The following PRKCZ variants were observed in gnomAD, a reference collection of about 807,000 sequenced individuals.
The protein encoded by PRKCZ is protein kinase C zeta, also known as protein kinase C zeta type.
In PRKCZ, 33 loss-of-function variants were observed where a neutral mutation model predicts 79.5. That is an observed-to-expected ratio of 0.41 (90% CI 0.31 to 0.55). PRKCZ has a LOEUF of 0.55. Ranked by LOEUF, PRKCZ falls within the 20% of genes least tolerant of loss-of-function variation. The probability of loss-of-function intolerance (pLI) is 0.19; values close to 1 mark genes in which losing one functional copy is unlikely to be tolerated. For synonymous variants in PRKCZ, 342 were observed against 320.9 expected (o/e 1.07, Z -0.70); for missense variants, 578 against 813.5 (o/e 0.71, Z 3.52).
Position 2,057,645 on chromosome 1 carries a change from C to A in PRKCZ, c.283+1072C>A, listed in dbSNP as rs778779893. Among the ~76,000 whole-genome samples the A allele has an allele frequency of 2.6e-5, 4 of 152,074 alleles. No individual in the cohort carries two copies. The East Asian group carries it at 7.7e-4, about 29-fold the overall frequency. Reference sequence around the variant, plus strand: ...CTTTGGGAGGTCAAGGTGGGAGGATCGCTTCAGCCTAGGAGTTCAAGACCA... The same window carrying A: ...CTTTGGGAGGTCAAGGTGGGAGGATAGCTTCAGCCTAGGAGTTCAAGACCA... On this transcript the variant is annotated intron_variant, in intron 3 of 17. Transcript: ENST00000378567.
In PRKCZ at chr1:2,172,348, G is replaced by A. The variant is rs780121084; in HGVS notation, c.1245G>A (p.Pro415=). ...CAACGAGCACTTTCTGCGGAACCCC[G>A]AATTACATCGCCCCCGAAATCCTGC... The part of the protein sequence containing the change: ...GDTTSTFCGT[P]NYIAPEILRG... Residue 415 remains proline, a synonymous_variant, in exon 13 of 18, where the codon CCG becomes CCA. Coordinates refer to ENST00000378567, the MANE Select transcript of PRKCZ (RefSeq NM_002744.6). The surrounding 1 kb of genome is among the most constrained non-coding windows in gnomAD (Gnocchi z 7.8). 1.3e-5 allele frequency: 21 copies of A among 1,613,392 alleles called. No homozygotes were observed. Among genetic ancestry groups the A allele is most frequent in the South Asian group, 2.2e-5 (2 of 91,084 alleles).
intron 10 of PRKCZ, among the ~76,000 whole-genome samples, chr1:2,163,556 C>T (rs965030429): frequency 6.6e-6 from 1 of 152,190 alleles, no homozygotes; most frequent in African/African-American, 2.4e-5. Flanking sequence ...GTGACTTGTC[C>T]TATTAAGGGA....
rs1344503327 is a variant in PRKCZ at position 2,094,678 on chromosome 1, G to A, written c.334+35087G>A. On this transcript the variant is annotated intron_variant, in intron 4 of 17. Coordinates refer to ENST00000378567, the MANE Select transcript of PRKCZ (RefSeq NM_002744.6). This position sits in a 1 kb window ranked among gnomAD's most constrained non-coding sequence, Gnocchi z 7.3. ...GCTCGTTGAACCTTGGGCGCTGCCC[G>A]TTCTGAGGCGCCCGCTGTGCCCGGC... Among the ~76,000 whole-genome samples the A allele has an allele frequency of 7.1e-6, 1 of 140,528 alleles. No individual in the cohort carries two copies. The highest frequency in any genetic ancestry group is 2.7e-5 in the African/African-American group (1 of 36,424). The allele number at this position is 140,528 out of a possible 152,430, so 92.2% of individuals were successfully genotyped here.
At chr1:2,059,884 A>G (rs1660513652) in intron 4 of PRKCZ, among the ~76,000 whole-genome samples, 1 of 152,152 alleles carries the variant, frequency 6.6e-6, no homozygotes, top group African/African-American at 2.4e-5. Flanking sequence ...GAGGCTGGAC[A>G]CTGCTCCTTT....
chr1:2,132,944 C>A (rs1341283142), intron 4 of PRKCZ, among the ~76,000 whole-genome samples: 1 of 152,184 alleles, frequency 6.6e-6, no homozygotes. Context: ...CCAAATACAG[C>A]CACATTGGGG....
rs1477427336 is a variant in PRKCZ, at chr1:2,120,297, T to TTG, written c.335-14964_335-14963insGT. Among the ~76,000 whole-genome samples the TTG allele has an allele frequency of 1.4e-3, 168 of 120,544 alleles. 7 individuals carry two copies. In the East Asian group the frequency reaches 0.029, roughly 21 times the overall value. The allele number at this position is 120,544 out of a possible 152,430, so 79.1% of individuals were successfully genotyped here. ...AATATCAGCCCTTGACTTTTCGTTT[T>TTG]TTTTTTTTTTTTTTTTTTTTTTTTT... is the stretch of plus-strand genomic sequence containing the variant. On this transcript the variant is annotated intron_variant, in intron 4 of 17. Transcript: ENST00000378567.
chr1:2,184,498 T>C (rs1310048682), intron 16 of PRKCZ, 85 bp from the exon 17 acceptor site: 2 of 946,720 alleles, frequency 2.1e-6, no homozygotes, highest in Non-Finnish European at 3.2e-6. Context: ...CTGTTTCATT[T>C]TGTGATTGAA....
chr1:2,084,003 G>A (rs897246822), intron 4 of PRKCZ, among the ~76,000 whole-genome samples: 6 of 152,136 alleles, frequency 3.9e-5, no homozygotes, highest in African/African-American at 1.2e-4. Context: ...AGACCGAAGC[G>A]GGCAGATCAC....
In PRKCZ at chr1:2,128,772, C is replaced by G. The variant is rs567349290; in HGVS notation, c.335-6490C>G. 5.3e-5 allele frequency among the ~76,000 whole-genome samples: 8 copies of G among 152,284 alleles called. No homozygotes were observed. The highest frequency in any genetic ancestry group is 1.3e-4 in the Admixed American group (2 of 15,290). ...CTGTGCGCTGTCCACTGCAGGAGAC[C>G]CCAGGCTGTGTCCACACGTACCCCC... On this transcript the variant is annotated intron_variant, in intron 4 of 17. Coordinates refer to ENST00000378567, the MANE Select transcript of PRKCZ (RefSeq NM_002744.6). The surrounding 1 kb of genome is among the most constrained non-coding windows in gnomAD (Gnocchi z 6.5).
intron 10 of PRKCZ, among the ~76,000 whole-genome samples, chr1:2,162,063 T>A (rs1002295909): frequency 2.0e-5 from 3 of 152,268 alleles, no homozygotes; most frequent in Admixed American, 2.0e-4. Context: ...TTTCCTTTTC[T>A]CTTGTTTATT....
In PRKCZ at chr1:2,180,561, C is replaced by T. The variant is rs116863568; in HGVS notation, c.1576-4022C>T. ...ACGGACGACGTGGATGCATGGACGACGTGGACGCACAGATGACCTGGACGC... is the reference window on the plus strand; with the variant it reads ...ACGGACGACGTGGATGCATGGACGATGTGGACGCACAGATGACCTGGACGC... On this transcript the variant is annotated intron_variant, in intron 16 of 17. Transcript: ENST00000378567. Among the ~76,000 whole-genome samples, 587 of 152,106 alleles carry T rather than the reference C, an allele frequency of 3.9e-3. 18 individuals are homozygous for T. The East Asian group carries it at 0.082, about 21-fold the overall frequency.
chr1:2,071,114 G>A (rs1661543782), intron 4 of PRKCZ, among the ~76,000 whole-genome samples: 1 of 147,754 alleles, frequency 6.8e-6, no homozygotes, highest in Non-Finnish European at 1.5e-5. Flanking sequence ...TGCACTGCCA[G>A]GTTCAAACCC....
Position 2,075,947 on chromosome 1 carries a change from G to A in PRKCZ, c.334+16356G>A, listed in dbSNP as rs1172091715. Reference sequence around the variant, plus strand: ...CCGAGGACTCAGCCGGGCACATGGAGGTTGAACTGTTGGGGGGCGGGAGGA... The same window carrying A: ...CCGAGGACTCAGCCGGGCACATGGAAGTTGAACTGTTGGGGGGCGGGAGGA... On this transcript the variant is annotated intron_variant, in intron 4 of 17. Transcript: ENST00000378567. This position sits in a 1 kb window ranked among gnomAD's most constrained non-coding sequence, Gnocchi z 4.8. Among the ~76,000 whole-genome samples the A allele has an allele frequency of 6.6e-6, 1 of 152,246 alleles. No homozygotes were observed. The highest frequency in any genetic ancestry group is 1.5e-5 in the Non-Finnish European group (1 of 68,038).
chr1:2,076,968 G>C lies in PRKCZ; in HGVS notation c.334+17377G>C, dbSNP rs556903573. Among the ~76,000 whole-genome samples, 4 of 152,290 alleles carry C rather than the reference G, an allele frequency of 2.6e-5. No homozygotes were observed. In the South Asian group the frequency reaches 8.3e-4, roughly 32 times the overall value. On this transcript the variant is annotated intron_variant, in intron 4 of 17. Coordinates refer to ENST00000378567, the MANE Select transcript of PRKCZ (RefSeq NM_002744.6). ...CATGCTCGGGACTGGCTGCTTCTCTGTGAGGCCTCCAGGCAGAACCAGTGA... is the reference window on the plus strand; with the variant it reads ...CATGCTCGGGACTGGCTGCTTCTCTCTGAGGCCTCCAGGCAGAACCAGTGA...
upstream of PRKCZ, chr1:2,049,737 C>T (rs1659481510): frequency 6.6e-6 from 1 of 152,562 alleles, no homozygotes; most frequent in Non-Finnish European, 1.5e-5. Context: ...GTGGAGGGGC[C>T]TGGAGGGCGA....
intron 4 of PRKCZ, among the ~76,000 whole-genome samples, chr1:2,101,354 C>T (rs1379961690): frequency 3.3e-5 from 5 of 152,202 alleles, no homozygotes; most frequent in Admixed American, 2.0e-4. Context: ...CTCCCCTCCT[C>T]GCCCCTTCTC....
intron 4 of PRKCZ, among the ~76,000 whole-genome samples, chr1:2,090,379 C>T (rs558986385): frequency 6.6e-6 from 1 of 152,204 alleles, no homozygotes; most frequent in Admixed American, 6.5e-5. Context: ...TCAGGGAGCA[C>T]CTGTTCAGAG....
At chr1:2,058,825 G>C (rs756781382) in intron 3 of PRKCZ, among the ~76,000 whole-genome samples, 1 of 152,306 alleles carries the variant, frequency 6.6e-6, no homozygotes, top group Non-Finnish European at 1.5e-5. Context: ...GAACCCGAGA[G>C]GTGGAGGTTG....
At chr1:2,145,084 G>A (rs1292562934) in intron 6 of PRKCZ, 1 of 152,256 alleles carries the variant, frequency 6.6e-6, no homozygotes, top group Non-Finnish European at 1.5e-5. Flanking sequence ...CTGGATCAGG[G>A]TGTCACCCCA....
Sources: gnomAD v4.1 joint callset for allele counts (sites outside exome capture counted in the v4.1 genomes callset) on GRCh38, gnomAD v4.1.1 for gene constraint, Gnocchi (gnomAD v3.1) non-coding constraint, MANE v1.5 for transcripts, NCBI Gene and HGNC (gene_info 2026-07-23, HGNC 2026-07-21) for gene names.